FAM227B: variants seen among roughly 807,000 people sequenced by gnomAD.
FAM227B encodes the protein family with sequence similarity 227 member B.
In FAM227B, 88 loss-of-function variants were observed where a neutral mutation model predicts 73.8. The observed-to-expected ratio is 1.19, with a 90% CI of 1.00 to 1.42. The LOEUF (loss-of-function observed/expected upper bound fraction) is 1.42, where lower values mean the gene tolerates loss of function less well. Ranked by LOEUF, FAM227B falls within the 40% of genes most tolerant of loss-of-function variation. FAM227B has a pLI of 0.00. For synonymous variants in FAM227B, 210 were observed against 190.5 expected, an observed-to-expected ratio of 1.10 and a Z score of -0.84; for missense variants, 632 against 590.9, an observed-to-expected ratio of 1.07 and a Z score of -0.72.
intron 9 of FAM227B, among the ~76,000 whole-genome samples, chr15:49,545,364 T>C (rs1047240219): frequency 6.6e-6 from 1 of 152,226 alleles, no homozygotes; most frequent in Non-Finnish European, 1.5e-5. Context: ...TTGTTTCTAA[T>C]TGAGCTTACT....
At chr15:49,617,602 G>A (rs1262530359) in intron 1 of FAM227B, among the ~76,000 whole-genome samples, 1 of 151,894 alleles carries the variant, frequency 6.6e-6, no homozygotes, top group Non-Finnish European at 1.5e-5. Flanking sequence ...TTAAATGTGT[G>A]GCATTTTTCA....
intron 11 of FAM227B, among the ~76,000 whole-genome samples, chr15:49,384,761 C>G (rs888772580): frequency 7.9e-5 from 12 of 151,948 alleles, no homozygotes; most frequent in Non-Finnish European, 1.3e-4. Flanking sequence ...TTTAAAATGA[C>G]AACAATATGT....
intron 9 of FAM227B, among the ~76,000 whole-genome samples, chr15:49,565,852 T>C (rs2074613451): frequency 1.3e-5 from 2 of 152,154 alleles, no homozygotes; most frequent in East Asian, 1.9e-4. Context: ...AATTTGACTA[T>C]AGAAAATGAG....
chr15:49,588,897 C>G (rs1205806483), intron 4 of FAM227B, among the ~76,000 whole-genome samples: 1 of 151,408 alleles, frequency 6.6e-6, no homozygotes, highest in Non-Finnish European at 1.5e-5. Flanking sequence ...CAGAATTACA[C>G]AAATCTTAGT....
intron 11 of FAM227B, among the ~76,000 whole-genome samples, chr15:49,408,230 T>G (rs2048649284): frequency 6.6e-6 from 1 of 152,362 alleles, no homozygotes; most frequent in South Asian, 2.1e-4. Context: ...AATATCATTT[T>G]GCTCAAATCT....
At position 49,518,517 on chromosome 15, in the gene FAM227B, CG is replaced by C. The variant is rs2059544521; in HGVS notation, c.875-10170del. Among the ~76,000 whole-genome samples, 4 of 152,214 alleles carry C rather than the reference CG, an allele frequency of 2.6e-5. No homozygotes were observed. In the South Asian group the frequency reaches 8.3e-4, roughly 32 times the overall value. ...GGTTTAATGGACTCACAGTTTCACA[CG>C]GCTGGGGAGGCCGCACAATCATGGC... On this transcript the variant is annotated intron_variant, in intron 10 of 15. Coordinates refer to ENST00000299338, the MANE Select transcript of FAM227B (RefSeq NM_152647.3).
chr15:49,328,892 T>C, intron 15 of FAM227B: 1 of 1,269,660 alleles, frequency 7.9e-7, no homozygotes, highest in South Asian at 2.9e-5. Flanking sequence ...CTGAGCTATC[T>C]CCATTACTTA....
intron 9 of FAM227B, among the ~76,000 whole-genome samples, chr15:49,551,017 C>T (rs905213206): frequency 3.3e-5 from 5 of 152,238 alleles, no homozygotes; most frequent in African/African-American, 7.2e-5. Flanking sequence ...AACCAGACTC[C>T]GTCTGCAATC....
chr15:49,438,233 C>G (rs938366586), intron 11 of FAM227B, among the ~76,000 whole-genome samples: 3 of 151,678 alleles, frequency 2.0e-5, no homozygotes, highest in Non-Finnish European at 4.4e-5. Flanking sequence ...AGTAGAAGCA[C>G]TAACTAATCA....
chr15:49,501,504 G>A (rs2058131423), intron 11 of FAM227B, among the ~76,000 whole-genome samples: 1 of 152,214 alleles, frequency 6.6e-6, no homozygotes, highest in Non-Finnish European at 1.5e-5. Flanking sequence ...CTAGGCAACA[G>A]GGTATTCAAG....
intron 11 of FAM227B, among the ~76,000 whole-genome samples, chr15:49,372,254 A>G (rs1159784786): frequency 1.3e-5 from 2 of 151,650 alleles, no homozygotes; most frequent in Non-Finnish European, 2.9e-5. Flanking sequence ...TTATAAATAA[A>G]TGAAATAAAA....
intron 11 of FAM227B, among the ~76,000 whole-genome samples, chr15:49,389,471 T>C (rs1013109594): frequency 7.2e-5 from 11 of 151,890 alleles, no homozygotes; most frequent in Non-Finnish European, 1.5e-4. Context: ...TAATAGATTT[T>C]AGAGACTCAG....
intron 5 of FAM227B, among the ~76,000 whole-genome samples, chr15:49,579,465 A>G (rs990671667): frequency 2.6e-5 from 4 of 152,244 alleles, no homozygotes; most frequent in African/African-American, 7.2e-5. Flanking sequence ...TTTAGCCATT[A>G]AACGAATGAA....
intron 13 of FAM227B, among the ~76,000 whole-genome samples, chr15:49,352,905 C>A (rs2042457290): frequency 6.6e-6 from 1 of 152,168 alleles, no homozygotes; most frequent in Non-Finnish European, 1.5e-5. Context: ...ATTCCTAAAG[C>A]TCTGTTACAC....
At position 49,396,113 on chromosome 15, in the gene FAM227B, C is replaced by G. The variant is rs1004675782; in HGVS notation, c.1013-24714G>C. ...GTTCATCTCACTAGGGAGTGCCAGA[C>G]AGTGGGCGCAGGTCAGTGGGTGTGC... On this transcript the variant is annotated intron_variant, in intron 11 of 15. Transcript: ENST00000299338. 5.5e-5 allele frequency: 22 copies of G among 402,474 alleles called. No homozygotes were observed. In the Admixed American group the frequency reaches 6.0e-4, roughly 11 times the overall value. 24.9% of individuals were successfully genotyped at this position (402,474 alleles called of 1,614,324 possible). A position where few individuals can be genotyped will look rare whatever the true frequency, so the allele number is the denominator to read the frequency against.
At chr15:49,574,794 A>G (rs2075345125) in intron 8 of FAM227B, 2 of 291,774 alleles carry the variant, frequency 6.9e-6, no homozygotes, top group Admixed American at 4.9e-5. Flanking sequence ...ATGAAGTCTA[A>G]TTTCAAAGAT....
chr15:49,533,205 T>C (rs182557993), intron 10 of FAM227B, among the ~76,000 whole-genome samples: 6 of 152,172 alleles, frequency 3.9e-5, no homozygotes, highest in African/African-American at 1.4e-4. Flanking sequence ...TATTACTGAT[T>C]TTTAATTTCA....
intron 11 of FAM227B, among the ~76,000 whole-genome samples, chr15:49,463,296 G>C (rs2053966979): frequency 6.6e-6 from 1 of 152,266 alleles, no homozygotes; most frequent in Middle Eastern, 3.4e-3. Flanking sequence ...GCTCACACCT[G>C]TAATCCCAGC....
intron 11 of FAM227B, among the ~76,000 whole-genome samples, chr15:49,417,237 C>CA (rs1171843317): frequency 6.6e-6 from 1 of 151,830 alleles, no homozygotes; most frequent in Non-Finnish European, 1.5e-5. Context: ...GCAAAAAATA[C>CA]AAAAAAATAG....
Sources: allele counts gnomAD v4.1 joint callset (sites outside exome capture counted in the v4.1 genomes callset), GRCh38; gene constraint gnomAD v4.1.1; transcripts MANE v1.5; gene names NCBI Gene and HGNC (gene_info 2026-07-23, HGNC 2026-07-21).